Variants in ITGA2 observed in about 807,000 individuals in gnomAD.
ITGA2 encodes integrin alpha-2.
A neutral mutation model predicts 146.3 loss-of-function variants in ITGA2; 101 were observed. The ratio of observed to expected loss-of-function variants is 0.69; its 90% CI spans 0.59 to 0.81. The LOEUF (loss-of-function observed/expected upper bound fraction) is 0.81, where lower values mean the gene tolerates loss of function less well. ITGA2 is among the 40% of genes least tolerant of loss of function. The pLI is 0.00. For missense variants in ITGA2, 1,281 were observed against 1,402.7 expected (o/e 0.91, Z 1.39); for synonymous variants, 477 against 487.1 (o/e 0.98, Z 0.27).
At chr5:52,996,688 A>G (rs1237101801) in intron 1 of ITGA2, among the ~76,000 whole-genome samples, 1 of 152,230 alleles carries the variant, frequency 6.6e-6, no homozygotes, top group Non-Finnish European at 1.5e-5. Context: ...AGCTGTTTTT[A>G]GGGCATGTAA....
chr5:52,996,042 A>C (rs189863260), intron 1 of ITGA2, among the ~76,000 whole-genome samples: 1 of 152,300 alleles, frequency 6.6e-6, no homozygotes, highest in African/African-American at 2.4e-5. Flanking sequence ...CATGGAGTGA[A>C]AAAAGAGAAA....
At chr5:53,023,702 G>A (rs1742797276) in intron 1 of ITGA2, among the ~76,000 whole-genome samples, 1 of 152,128 alleles carries the variant, frequency 6.6e-6, no homozygotes, top group Admixed American at 6.5e-5. Flanking sequence ...AACCAAATAT[G>A]GTTCTTATTA....
At chr5:53,030,315 C>T (rs542336393) in intron 2 of ITGA2, among the ~76,000 whole-genome samples, 38 of 152,228 alleles carry the variant, frequency 2.5e-4, no homozygotes, top group Non-Finnish European at 5.3e-4. Flanking sequence ...TGGACCTTCT[C>T]ATGACATCCC....
intron 13 of ITGA2, 89 bp downstream of exon 13, chr5:53,063,018 AATG>A: frequency 9.4e-7 from 1 of 1,059,398 alleles, no homozygotes; most frequent in Non-Finnish European, 1.4e-6. Context: ...ATTATTATTG[AATG>A]ATAATTTGCA....
In ITGA2 at chr5:53,070,238, C is replaced by T. The variant is rs1745326864; in HGVS notation, c.2213C>T (p.Pro738Leu). 1.9e-6 allele frequency: 3 copies of T among 1,611,568 alleles called. No homozygotes were observed. Among genetic ancestry groups the T allele is most frequent in the Non-Finnish European group, 2.5e-6 (3 of 1,178,556 alleles). Residue 738 changes from proline (P) to leucine (L), a missense_variant, in exon 17 of 30, where the codon CCC (proline) becomes CTC (leucine). Physicochemically the swap from Pro to Leu is moderately conservative, Grantham distance 98. This residue lies in a region of ITGA2 where 475 missense variants were observed against 530.5 expected (regional missense o/e 0.90). Transcript: ENST00000296585. The stretch of plus-strand genomic sequence containing the variant: ...GTAGTAAATCAAGCACAGAGTTGCC[C>T]CGAGCACATCATTTATATACAGGTA... ...NMVVNQAQSCPEHIIYIQEPS... is the reference protein window; with the variant it reads ...NMVVNQAQSCLEHIIYIQEPS...
chr5:53,072,295 A>G (rs997931449), intron 18 of ITGA2, among the ~76,000 whole-genome samples: 5 of 151,870 alleles, frequency 3.3e-5, no homozygotes, highest in South Asian at 2.1e-4. Context: ...TGTTCAATAT[A>G]TATTTGTTGA....
chr5:53,090,476 A>G (rs751348023), intron 29 of ITGA2, 43 bp from the exon 30 acceptor site: 9 of 1,579,668 alleles, frequency 5.7e-6, no homozygotes, highest in African/African-American at 1.3e-5. Context: ...ACCTTACAAA[A>G]TAAGCCACGG....
chr5:53,086,481 C>T (rs76407780), intron 27 of ITGA2, among the ~76,000 whole-genome samples: 4,787 of 152,212 alleles, frequency 0.031, 128 homozygotes, highest in East Asian at 0.074. Flanking sequence ...GTTCTCTTAC[C>T]TTTTAAATGT....
At chr5:53,042,332 C>T (rs2111886249) in intron 3 of ITGA2, 111 bp downstream of exon 3, 1 of 774,198 alleles carries the variant, frequency 1.3e-6, no homozygotes, top group East Asian at 2.6e-5. Flanking sequence ...CTTTTTTTTG[C>T]CCTTATGTCT....
At chr5:53,086,425 G>A (rs1746159690) in intron 27 of ITGA2, among the ~76,000 whole-genome samples, 1 of 152,114 alleles carries the variant, frequency 6.6e-6, no homozygotes, top group South Asian at 2.1e-4. Context: ...AAGTTCAAGT[G>A]CACTTTTAAA....
intron 1 of ITGA2, among the ~76,000 whole-genome samples, chr5:53,021,950 A>G (rs111248791): frequency 1.3e-5 from 2 of 152,076 alleles, no homozygotes; most frequent in African/African-American, 2.4e-5. Context: ...AGTCCCTTCT[A>G]TGAAAAACCC....
intron 1 of ITGA2, among the ~76,000 whole-genome samples, chr5:53,006,794 A>G (rs1473202288): frequency 6.6e-6 from 1 of 152,182 alleles, no homozygotes; most frequent in Non-Finnish European, 1.5e-5. Context: ...ATTTTCATTC[A>G]ACATGCAAAA....
At chr5:53,082,847 C>G (rs1745989799) in intron 26 of ITGA2, among the ~76,000 whole-genome samples, 1 of 152,140 alleles carries the variant, frequency 6.6e-6, no homozygotes, top group African/African-American at 2.4e-5. Flanking sequence ...CCTGCCCGCC[C>G]CACTAGCCCT....
chr5:53,064,978 G>A lies in ITGA2; in HGVS notation c.1669G>A (p.Ala557Thr), dbSNP rs767298677. ...EGIENTRFGS[A>T]IAALSDINMD... is the part of the protein sequence containing the mutation. ...CATTGAAAACACTCGATTTGGTTCA[G>A]CAATTGCAGCTCTTTCAGACATCAA... Residue 557 changes from alanine (A) to threonine (T), a missense_variant, in exon 14 of 30, where the codon GCA becomes ACA. Transcript: ENST00000296585. The A allele has an allele frequency of 3.7e-6, 6 of 1,612,834 alleles. No homozygotes were observed. The African/African-American group carries it at 8.0e-5, about 22-fold the overall frequency.
chr5:53,084,343 A>G lies in ITGA2; in HGVS notation c.3258+890A>G, dbSNP rs543053363. 2.0e-5 allele frequency among the ~76,000 whole-genome samples: 3 copies of G among 152,128 alleles called. No homozygotes were observed. In the East Asian group the frequency reaches 5.8e-4, roughly 29 times the overall value. On this transcript the variant is annotated intron_variant, in intron 27 of 29. Coordinates refer to ENST00000296585, the MANE Select transcript of ITGA2 (RefSeq NM_002203.4). Reference sequence around the variant, plus strand: ...ATCAGTTCCCAAGGTGCTTACAACCAAACGCTACTCATTTTTTTTTCTGTT... The same window carrying G: ...ATCAGTTCCCAAGGTGCTTACAACCGAACGCTACTCATTTTTTTTTCTGTT...
chr5:53,062,550 G>A (rs1308306864), intron 12 of ITGA2, among the ~76,000 whole-genome samples: 1 of 151,836 alleles, frequency 6.6e-6, no homozygotes, highest in South Asian at 2.1e-4. Context: ...TCAGGGATCT[G>A]TATTTCAAAG....
intron 20 of ITGA2, 69 bp from the exon 21 acceptor site, chr5:53,074,316 C>G: frequency 8.4e-7 from 1 of 1,187,274 alleles, no homozygotes; most frequent in Non-Finnish European, 1.3e-6. Context: ...CCTCTTTTAC[C>G]AGGTGCGTGC....
intron 17 of ITGA2, 83 bp downstream of exon 17, chr5:53,070,343 A>G: frequency 7.2e-7 from 1 of 1,396,246 alleles, no homozygotes; most frequent in Non-Finnish European, 1.0e-6. Flanking sequence ...GAAGCTTATG[A>G]GTTAGAAAAT....
chr5:53,080,324 G>A (rs1745858084), intron 24 of ITGA2, among the ~76,000 whole-genome samples, 187 bp from the exon 25 acceptor site: 1 of 152,022 alleles, frequency 6.6e-6, no homozygotes, highest in South Asian at 2.1e-4. Flanking sequence ...TGCAACCTCA[G>A]GCATAAATGC....
Sources: gnomAD v4.1 joint callset for allele counts (sites outside exome capture counted in the v4.1 genomes callset) on GRCh38, gnomAD v4.1.1 for gene constraint, gnomAD v4.1.1 regional missense constraint, MANE v1.5 for transcripts, NCBI Gene and HGNC (gene_info 2026-07-23, HGNC 2026-07-21) for gene names.